Variants in TSBP1 observed in about 807,000 individuals in gnomAD.
TSBP1 encodes testis expressed basic protein 1, also known as testis-expressed basic protein 1.
Under a neutral mutation model 68.8 loss-of-function variants are expected in TSBP1, and 56 were observed. That is an observed-to-expected ratio of 0.81 (90% CI 0.66 to 1.02). The LOEUF (loss-of-function observed/expected upper bound fraction) is 1.02. Among genes scored for constraint, TSBP1 ranks in the 50% least tolerant of loss-of-function variants. The pLI, the probability that TSBP1 is intolerant of heterozygous loss-of-function variation, is 0.00. For synonymous variants in TSBP1, 171 were observed against 208.7 expected (o/e 0.82, Z 1.56); for missense variants, 502 against 641.2 (o/e 0.78, Z 2.34).
intron 4 of TSBP1, among the ~76,000 whole-genome samples, chr6:32,367,261 G>A (rs973267781): frequency 2.9e-5 from 4 of 140,302 alleles, no homozygotes; most frequent in African/African-American, 1.3e-4. Flanking sequence ...GAGAGAGAGA[G>A]AGAAAGAGAG....
At chr6:32,298,087 C>A (rs996767964) in intron 22 of TSBP1, among the ~76,000 whole-genome samples, 1 of 151,998 alleles carries the variant, frequency 6.6e-6, no homozygotes, top group African/African-American at 2.4e-5. Context: ...CTTCTCAGAG[C>A]CCTTGTATTA....
chr6:32,299,807 C>T, intron 22 of TSBP1, 115 bp downstream of exon 25: 1 of 814,758 alleles, frequency 1.2e-6, no homozygotes. Context: ...AAGATAGGAA[C>T]ATTCAAATTG....
At chr6:32,318,829 C>T (rs1260123447) in intron 18 of TSBP1, among the ~76,000 whole-genome samples, 3 of 152,088 alleles carry the variant, frequency 2.0e-5, no homozygotes, top group Non-Finnish European at 4.4e-5. Flanking sequence ...TTCTAAAATT[C>T]ATTGTGGTGA....
chr6:32,349,698 G>T, intron 9 of TSBP1, 42 bp downstream of exon 9: 2 of 1,203,730 alleles, frequency 1.7e-6, no homozygotes, highest in Non-Finnish European at 2.5e-6. Context: ...GATTAAATGG[G>T]GCTAAATGTC....
intron 19 of TSBP1, among the ~76,000 whole-genome samples, chr6:32,309,898 C>T (rs1365587608): frequency 4.6e-5 from 7 of 152,170 alleles, no homozygotes; most frequent in Admixed American, 4.6e-4. Flanking sequence ...TTTCTCTCTC[C>T]TGACTACCCT....
At chr6:32,369,439 C>T (rs1056255809) in intron 2 of TSBP1, among the ~76,000 whole-genome samples, 4 of 146,118 alleles carry the variant, frequency 2.7e-5, no homozygotes, top group African/African-American at 7.6e-5. Flanking sequence ...GGCGTGATCT[C>T]GGCTCACTGC....
At chr6:32,339,696 G>GA in intron 9 of TSBP1, 58 bp from the exon 11 acceptor site, 2 of 762,788 alleles carry the variant, frequency 2.6e-6, no homozygotes, top group Admixed American at 4.6e-5. Context: ...AGAAGGCATG[G>GA]AGATAGACAA....
chr6:32,369,906 T>C, exon 2 of TSBP1: 2 of 1,600,352 alleles, frequency 1.2e-6, no homozygotes, highest in Non-Finnish European at 1.7e-6. Context: ...CCACTTTGCT[T>C]ACATCGTGCC....
At chr6:32,332,596 G>T (rs1035586222) in intron 14 of TSBP1, among the ~76,000 whole-genome samples, 33 of 150,758 alleles carry the variant, frequency 2.2e-4, no homozygotes, top group African/African-American at 8.0e-4. Flanking sequence ...AAAACCTTCT[G>T]TTTTTTTTTG....
At chr6:32,368,808 T>C (rs759374091) in exon 3 of TSBP1, 4 of 1,590,022 alleles carry the variant, frequency 2.5e-6, no homozygotes, top group South Asian at 1.1e-5. Context: ...TCTGGAGATA[T>C]ACATTTCTGT....
intron 15 of TSBP1, 46 bp downstream of exon 16, chr6:32,331,988 T>C (rs765077713): frequency 2.1e-6 from 3 of 1,419,800 alleles, no homozygotes; most frequent in East Asian, 2.3e-5. Flanking sequence ...CCTTCAGACA[T>C]AGTAAGAAGC....
chr6:32,344,102 T>A (rs1012825670), intron 9 of TSBP1, among the ~76,000 whole-genome samples: 16 of 151,608 alleles, frequency 1.1e-4, no homozygotes, highest in Non-Finnish European at 1.0e-4. Context: ...TTTATTTATT[T>A]ATTTTATTTT....
intron 9 of TSBP1, among the ~76,000 whole-genome samples, chr6:32,349,130 T>C (rs1346882082): frequency 6.6e-6 from 1 of 151,902 alleles, no homozygotes; most frequent in Non-Finnish European, 1.5e-5. Context: ...CTCCTTGCTC[T>C]CCTAAAAGTA....
chr6:32,350,188 A>G (rs1346826569), intron 8 of TSBP1: 4 of 474,892 alleles, frequency 8.4e-6, no homozygotes, highest in Non-Finnish European at 1.7e-5. Context: ...TTTTTGTTAC[A>G]CCAAACAATT....
chr6:32,364,897 G>A (rs1447833816), intron 6 of TSBP1, among the ~76,000 whole-genome samples: 1 of 117,178 alleles, frequency 8.5e-6, no homozygotes, highest in Non-Finnish European at 2.1e-5. Context: ...TCACAGGTGG[G>A]ATTTTTTCCC....
At chr6:32,310,760 TA>T (rs1259384510) in intron 19 of TSBP1, among the ~76,000 whole-genome samples, 6 of 127,794 alleles carry the variant, frequency 4.7e-5, no homozygotes, top group Admixed American at 3.6e-4. Context: ...TATATATATA[TA>T]TTTTTAATCT....
chr6:32,361,196 A>G lies in TSBP1; in HGVS notation c.217+4971T>C, dbSNP rs928382798. Among the ~76,000 whole-genome samples, 1 of 152,164 alleles carries G rather than the reference A, an allele frequency of 6.6e-6. No homozygotes were observed. Among genetic ancestry groups the G allele is most frequent in the Non-Finnish European group, 1.5e-5 (1 of 68,032 alleles). The stretch of plus-strand genomic sequence containing the variant: ...TTTCCAGCTTCATCCATGTCCCTAC[A>G]AAGGACATGAACTCATCATTTTTTA... On this transcript the variant is annotated intron_variant, in intron 6 of 22. Transcript: ENST00000612031. This position sits in a 1 kb window ranked among gnomAD's most constrained non-coding sequence, Gnocchi z 4.3.
rs757690012 is a variant in TSBP1 at position 32,338,966 on chromosome 6, A to G, written c.409+13T>C. ...AAAGCACATGAGAATTAAAGGGCAG[A>G]AAAAGAACTTACTCATGGCTCCTGC... is the stretch of plus-strand genomic sequence containing the variant. On this transcript the variant is annotated intron_variant, in intron 11 of 22. Transcript: ENST00000612031. This position sits in a 1 kb window ranked among gnomAD's most constrained non-coding sequence, Gnocchi z 5.5. 1 of 1,608,196 alleles carries G rather than the reference A, an allele frequency of 6.2e-7. No individual in the cohort carries two copies. The highest frequency in any genetic ancestry group is 8.5e-7 in the Non-Finnish European group (1 of 1,175,602).
rs867486999 is a variant in TSBP1, at chr6:32,347,384, T to C, written c.349+2356A>G. 3.1e-4 allele frequency among the ~76,000 whole-genome samples: 47 copies of C among 152,290 alleles called. 1 individual carries two copies. The highest frequency in any genetic ancestry group is 1.1e-3 in the African/African-American group (46 of 41,562). On this transcript the variant is annotated intron_variant, in intron 9 of 22. Transcript: ENST00000612031. ...ACTCTGTTGTTGAGGCTGTGATGTCTGGTTTTTTGTATGTTTGTTTTAGAA... is the reference window on the plus strand; with the variant it reads ...ACTCTGTTGTTGAGGCTGTGATGTCCGGTTTTTTGTATGTTTGTTTTAGAA...
Sources: allele counts gnomAD v4.1 joint callset (sites outside exome capture counted in the v4.1 genomes callset), GRCh38; gene constraint gnomAD v4.1.1; non-coding constraint Gnocchi (gnomAD v3.1); transcripts MANE v1.5; gene names NCBI Gene and HGNC (gene_info 2026-07-23, HGNC 2026-07-21).